The following RETREG1 variants were observed in gnomAD, a reference collection of about 807,000 sequenced individuals.
RETREG1 encodes family with sequence similarity 134 member B.
In RETREG1, 44 loss-of-function variants were observed where a neutral mutation model predicts 54.8. The ratio of observed to expected loss-of-function variants is 0.80; its 90% CI spans 0.63 to 1.03. The LOEUF (loss-of-function observed/expected upper bound fraction) is 1.03. RETREG1 is among the 50% of genes least tolerant of loss of function. The pLI, the probability that RETREG1 is intolerant of heterozygous loss-of-function variation, is 0.00. For synonymous variants in RETREG1, 217 were observed against 238.5 expected (o/e 0.91, Z 0.83); for missense variants, 554 against 605.1 (o/e 0.92, Z 0.89).
intron 3 of RETREG1, among the ~76,000 whole-genome samples, chr5:16,563,011 G>A (rs1741905934): frequency 1.3e-5 from 2 of 152,168 alleles, no homozygotes; most frequent in Non-Finnish European, 2.9e-5. Context: ...TCCAGGAGGT[G>A]GGGAGTGTAT....
chr5:16,557,430 G>T (rs1741739403), intron 3 of RETREG1, among the ~76,000 whole-genome samples: 1 of 152,102 alleles, frequency 6.6e-6, no homozygotes, highest in Non-Finnish European at 1.5e-5. Flanking sequence ...GTCTTCAGTG[G>T]ATCTAATTTT....
intron 1 of RETREG1, among the ~76,000 whole-genome samples, chr5:16,581,931 T>C (rs2290992): frequency 0.56 from 85,451 of 152,044 alleles, 24,283 homozygotes; most frequent in Non-Finnish European, 0.61. Context: ...TTTGCTGCAC[T>C]TATCAACCCA....
intron 1 of RETREG1, among the ~76,000 whole-genome samples, chr5:16,613,246 T>G (rs969349758): frequency 3.3e-5 from 5 of 152,218 alleles, no homozygotes. Flanking sequence ...TGCATCTGTT[T>G]ACTGTGTAGT....
At chr5:16,576,925 TA>T (rs1180692021) in intron 1 of RETREG1, among the ~76,000 whole-genome samples, 1 of 152,196 alleles carries the variant, frequency 6.6e-6, no homozygotes, top group African/African-American at 2.4e-5. Context: ...AAAAACAAGA[TA>T]TTTTTAACCA....
intron 1 of RETREG1, among the ~76,000 whole-genome samples, chr5:16,605,000 C>T (rs181935576): frequency 1.3e-5 from 2 of 152,230 alleles, no homozygotes; most frequent in Non-Finnish European, 2.9e-5. Flanking sequence ...ACTAGTACTA[C>T]TCCATTATAT....
intron 3 of RETREG1, chr5:16,508,729 A>C (rs1444696549): frequency 3.2e-6 from 5 of 1,559,078 alleles, no homozygotes; most frequent in Non-Finnish European, 4.3e-6. Context: ...GAGGAAAAAA[A>C]CCCAGTAGAG....
intron 3 of RETREG1, among the ~76,000 whole-genome samples, chr5:16,560,013 C>A (rs1324399682): frequency 1.3e-5 from 2 of 152,160 alleles, no homozygotes; most frequent in Non-Finnish European, 2.9e-5. Flanking sequence ...TCAGAACATA[C>A]CCACTGAGAA....
chr5:16,515,636 T>G (rs1367551727), intron 3 of RETREG1, among the ~76,000 whole-genome samples: 1 of 152,202 alleles, frequency 6.6e-6, no homozygotes, highest in African/African-American at 2.4e-5. Flanking sequence ...AGAAGGTAGT[T>G]GAGCCACTAG....
At chr5:16,604,284 T>G (rs154245) in intron 1 of RETREG1, among the ~76,000 whole-genome samples, 76,058 of 151,878 alleles carry the variant, frequency 0.5, 21,036 homozygotes, top group Non-Finnish European at 0.61. Context: ...ACCCTTACCT[T>G]GGGAGAAGTG....
chr5:16,483,605 G>T, intron 3 of RETREG1, 133 bp from the exon 4 acceptor site: 1 of 850,306 alleles, frequency 1.2e-6, no homozygotes, highest in Non-Finnish European at 1.9e-6. Context: ...ATTCAGAAGG[G>T]AACTATCCAG....
intron 1 of RETREG1, among the ~76,000 whole-genome samples, chr5:16,604,968 T>C (rs1161373588): frequency 1.3e-5 from 2 of 152,202 alleles, no homozygotes; most frequent in East Asian, 3.8e-4. Context: ...TAATATAGTA[T>C]AGGGGTGACT....
rs142628234 is a variant in RETREG1, at chr5:16,595,697, A to C, written c.320+20955T>G. On this transcript the variant is annotated intron_variant, in intron 1 of 8. Transcript: ENST00000306320. The stretch of plus-strand genomic sequence containing the variant: ...ACAAGCTATTACTACTAAGAGCAAG[A>C]GGAAGCCCTTGACTGCCTCCTTATA... Among the ~76,000 whole-genome samples, 670 of 152,330 alleles carry C rather than the reference A, an allele frequency of 4.4e-3. 1 individual carries two copies. Among genetic ancestry groups the C allele is most frequent in the African/African-American group, 0.015 (627 of 41,574 alleles).
intron 3 of RETREG1, among the ~76,000 whole-genome samples, chr5:16,484,027 G>A (rs1738920275): frequency 6.6e-6 from 1 of 152,016 alleles, no homozygotes; most frequent in Non-Finnish European, 1.5e-5. Flanking sequence ...ACAATATTAA[G>A]AATAAATACC....
chr5:16,485,981 C>T, intron 3 of RETREG1, among the ~76,000 whole-genome samples: 1 of 152,106 alleles, frequency 6.6e-6, no homozygotes, highest in East Asian at 1.9e-4. Context: ...GACTATCTTC[C>T]ATAGTCATAA....
intron 3 of RETREG1, among the ~76,000 whole-genome samples, chr5:16,552,993 C>T (rs1309184508): frequency 6.6e-6 from 1 of 152,226 alleles, no homozygotes; most frequent in Non-Finnish European, 1.5e-5. Flanking sequence ...CTCCCAAGAA[C>T]TCACAAGAAT....
intron 3 of RETREG1, among the ~76,000 whole-genome samples, chr5:16,560,064 C>T (rs1191476822): frequency 6.6e-6 from 1 of 152,134 alleles, no homozygotes; most frequent in Non-Finnish European, 1.5e-5. Context: ...CAAATATTGA[C>T]ATGTGAATGG....
chr5:16,554,247 C>G (rs1416898045), intron 3 of RETREG1, among the ~76,000 whole-genome samples: 1 of 152,236 alleles, frequency 6.6e-6, no homozygotes, highest in Non-Finnish European at 1.5e-5. Context: ...ATGATGCTGA[C>G]ATTTCCGAGG....
chr5:16,528,023 A>T (rs1430508393), intron 3 of RETREG1, among the ~76,000 whole-genome samples: 1 of 151,816 alleles, frequency 6.6e-6, no homozygotes, highest in Non-Finnish European at 1.5e-5. Context: ...CTTAGCCAGG[A>T]TGGCCTCAAT....
chr5:16,559,254 G>C (rs1293267528), intron 3 of RETREG1, among the ~76,000 whole-genome samples: 1 of 152,216 alleles, frequency 6.6e-6, no homozygotes, highest in Non-Finnish European at 1.5e-5. Context: ...AAGAGTTTGA[G>C]AGATAGACAG....
Sources: allele counts gnomAD v4.1 joint callset (sites outside exome capture counted in the v4.1 genomes callset), GRCh38; gene constraint gnomAD v4.1.1; transcripts MANE v1.5; gene names NCBI Gene and HGNC (gene_info 2026-07-23, HGNC 2026-07-21).